DEAF1: variants seen among roughly 807,000 people sequenced by gnomAD.
DEAF1 encodes the protein deformed epidermal autoregulatory factor 1 homolog.
DEAF1 carries 53 observed loss-of-function variants against 58.9 expected under a neutral mutation model. That is an observed-to-expected ratio of 0.90 (90% CI 0.72 to 1.13). The LOEUF is 1.13. Among genes scored for constraint, DEAF1 ranks in the 50% most tolerant of loss-of-function variants. The probability of loss-of-function intolerance (pLI) is 0.00; values close to 1 mark genes in which losing one functional copy is unlikely to be tolerated. For missense variants in DEAF1, 685 were observed against 791.4 expected (o/e 0.87, Z 1.61); for synonymous variants, 385 against 340.4 (o/e 1.13, Z -1.44).
intron 11 of DEAF1, among the ~76,000 whole-genome samples, chr11:648,287 C>CTG (rs1564921027): frequency 1.3e-5 from 2 of 151,558 alleles, no homozygotes; most frequent in East Asian, 1.9e-4. Flanking sequence ...CTCCGCCTCC[C>CTG]GGGTTCATGC....
intron 2 of DEAF1, among the ~76,000 whole-genome samples, chr11:691,099 T>C (rs112633327): frequency 0.014 from 2,093 of 152,362 alleles, 47 homozygotes; most frequent in African/African-American, 0.046. Flanking sequence ...GCACCATAAA[T>C]GCTACGAGAA....
At chr11:704,501 G>T (rs1450954780) in intron 1 of DEAF1, 1 of 1,289,212 alleles carries the variant, frequency 7.8e-7, no homozygotes, top group Non-Finnish European at 1.0e-6. Context: ...GCGCCTGAGC[G>T]CCTCGGGCCA....
intron 10 of DEAF1, among the ~76,000 whole-genome samples, chr11:665,517 G>A (rs1056454811): frequency 9.2e-5 from 14 of 152,344 alleles, no homozygotes; most frequent in South Asian, 4.1e-4. Flanking sequence ...GAAAGGGGCC[G>A]CCCTTTCTAA....
At position 679,752 on chromosome 11, in the gene DEAF1, C is replaced by A; in HGVS notation, c.1062G>T (p.Thr354=). ...CTGATATGACAGCAGTGGCCTCTAC[C>A]GTGGACGCTCGGTCAAAGGTCAGTG... ...SGALTFDRAS[T]VEATAVISES... is the part of the protein sequence containing the mutation. The change falls in exon 8 of 12, where the codon ACG becomes ACT. Residue 354 remains threonine, a synonymous_variant. Transcript: ENST00000382409. The A allele has an allele frequency of 1.9e-6, 3 of 1,613,862 alleles. No homozygotes were observed. Among genetic ancestry groups the A allele is most frequent in the Non-Finnish European group, 1.7e-6 (2 of 1,180,040 alleles).
chr11:681,120 T>G, intron 6 of DEAF1, 31 bp from the exon 7 acceptor site: 1 of 1,613,320 alleles, frequency 6.2e-7, no homozygotes, highest in African/African-American at 1.3e-5. Context: ...GCCACCACCT[T>G]CATGTGTGCA....
At chr11:678,889 G>A (rs376164797) in intron 8 of DEAF1, 67 bp from the exon 9 acceptor site, 62 of 1,598,180 alleles carry the variant, frequency 3.9e-5, no homozygotes, top group Non-Finnish European at 4.5e-5. Context: ...TAAATATCAC[G>A]CTGTATGGCT....
At chr11:660,909 C>T (rs549337536) in intron 10 of DEAF1, among the ~76,000 whole-genome samples, 5 of 152,190 alleles carry the variant, frequency 3.3e-5, no homozygotes, top group Non-Finnish European at 5.9e-5. Flanking sequence ...GAGAGGCCCC[C>T]GCAGGGAAGC....
intron 10 of DEAF1, among the ~76,000 whole-genome samples, chr11:672,228 C>T (rs529115010): frequency 2.1e-4 from 31 of 148,572 alleles, no homozygotes; most frequent in Non-Finnish European, 4.2e-4. Flanking sequence ...CCCCTAACAT[C>T]GAATACGACC....
upstream of DEAF1, chr11:695,485 C>T: frequency 1.3e-6 from 1 of 743,558 alleles, no homozygotes; most frequent in Non-Finnish European, 1.8e-6. Context: ...TTCTCGCCGG[C>T]GGCCGGCGCA....
At chr11:663,092 TC>T (rs1362959328) in intron 10 of DEAF1, among the ~76,000 whole-genome samples, 12 of 152,248 alleles carry the variant, frequency 7.9e-5, no homozygotes, top group African/African-American at 2.9e-4. Flanking sequence ...TGGGCGAATA[TC>T]TTGAGACCAC....
Position 665,165 on chromosome 11 carries a change from A to G in DEAF1, c.1503+9371T>C, listed in dbSNP as rs1046163570. 7.6e-5 allele frequency among the ~76,000 whole-genome samples: 10 copies of G among 131,520 alleles called. 1 individual carries two copies. Among genetic ancestry groups the G allele is most frequent in the Non-Finnish European group, 1.7e-5 (1 of 58,502 alleles). 86.3% of individuals were successfully genotyped at this position (131,520 alleles called of 152,430 possible). A position where few individuals can be genotyped will look rare whatever the true frequency, so the allele number is the denominator to read the frequency against. Reference sequence around the variant, plus strand: ...ACTCTAAGTAAGTCCTGGCTCAGCTATTCACACCGAGAGGAGAAGGACAGG... The same window carrying G: ...ACTCTAAGTAAGTCCTGGCTCAGCTGTTCACACCGAGAGGAGAAGGACAGG... On this transcript the variant is annotated intron_variant, in intron 10 of 11. Coordinates refer to ENST00000382409, the MANE Select transcript of DEAF1 (RefSeq NM_021008.4).
intron 11 of DEAF1, among the ~76,000 whole-genome samples, chr11:651,602 A>G (rs975761200): frequency 6.6e-6 from 1 of 151,994 alleles, no homozygotes; most frequent in Non-Finnish European, 1.5e-5. Flanking sequence ...CAGATAATTC[A>G]GCTGGGCACG....
chr11:670,401 CTTTT>C (rs56358451), intron 10 of DEAF1, among the ~76,000 whole-genome samples: 5 of 143,794 alleles, frequency 3.5e-5, no homozygotes, highest in African/African-American at 5.1e-5. Flanking sequence ...TGGAAGTATA[CTTTT>C]TTTTTTTTTT....
chr11:644,999 C>T lies in DEAF1; in HGVS notation c.1594-345G>A, dbSNP rs1046660678. 2.0e-5 allele frequency among the ~76,000 whole-genome samples: 3 copies of T among 151,944 alleles called. No homozygotes were observed. Among genetic ancestry groups the T allele is most frequent in the Non-Finnish European group, 4.4e-5 (3 of 67,990 alleles). On this transcript the variant is annotated intron_variant, in intron 11 of 11. Coordinates refer to ENST00000382409, the MANE Select transcript of DEAF1 (RefSeq NM_021008.4). The surrounding 1 kb of genome is among the most constrained non-coding windows in gnomAD (Gnocchi z 4.3). ...CCAACATGGTGAAACCCCGTATCTACTAAAAATACAAAAATTAGCTGGGCA... is the reference window on the plus strand; with the variant it reads ...CCAACATGGTGAAACCCCGTATCTATTAAAAATACAAAAATTAGCTGGGCA...
In DEAF1 at chr11:687,947, T is replaced by C. The variant is rs749003793; in HGVS notation, c.628A>G (p.Ile210Val). The change falls in exon 4 of 12, where the codon ATC becomes GTC. Residue 210 changes from isoleucine (I) to valine (V), a missense_variant. Ile to Val is a conservative substitution (Grantham distance 29). Transcript: ENST00000382409. ...DSELPVRCRN[I>V]SGTLYKNRLG... The stretch of plus-strand genomic sequence containing the variant: ...CTGTTCTTGTACAGAGTGCCGCTGA[T>C]GTTCCGGCACCGTACGGGCAGCTCA... 4 of 1,614,008 alleles carry C rather than the reference T, an allele frequency of 2.5e-6. No homozygotes were observed. The highest frequency in any genetic ancestry group is 2.7e-5 in the African/African-American group (2 of 74,920).
At chr11:690,475 T>C (rs1413385981) in intron 2 of DEAF1, among the ~76,000 whole-genome samples, 1 of 151,916 alleles carries the variant, frequency 6.6e-6, no homozygotes, top group African/African-American at 2.4e-5. Flanking sequence ...CCGGGTGTGG[T>C]GGCTCACACC....
chr11:687,786 G>A (rs940123949), intron 4 of DEAF1, 125 bp downstream of exon 4: 15 of 1,325,530 alleles, frequency 1.1e-5, no homozygotes, highest in Middle Eastern at 1.8e-4. Context: ...ATCAGCCACC[G>A]CGCCCAGCCC....
intron 10 of DEAF1, among the ~76,000 whole-genome samples, chr11:655,619 G>GCGCGGCCC (rs1209304761): frequency 1.3e-5 from 2 of 152,138 alleles, no homozygotes; most frequent in Non-Finnish European, 1.5e-5. Context: ...AACGACTCCA[G>GCGCGGCCC]CGCGGCCCCA....
At chr11:667,044 C>CA (rs1228280405) in intron 10 of DEAF1, among the ~76,000 whole-genome samples, 2 of 151,754 alleles carry the variant, frequency 1.3e-5, no homozygotes, top group South Asian at 2.1e-4. Flanking sequence ...ACAAAACAAA[C>CA]AAAAAAATAG....
Sources: gnomAD v4.1 joint callset for allele counts (sites outside exome capture counted in the v4.1 genomes callset) on GRCh38, gnomAD v4.1.1 for gene constraint, Gnocchi (gnomAD v3.1) non-coding constraint, MANE v1.5 for transcripts, NCBI Gene and HGNC (gene_info 2026-07-23, HGNC 2026-07-21) for gene names.